Variants in KDM2A observed in about 807,000 individuals in gnomAD.
KDM2A encodes the protein lysine-specific demethylase 2A.
KDM2A carries 3 observed loss-of-function variants against 137.3 expected under a neutral mutation model. The observed-to-expected ratio is 0.02, with a 90% CI of 0.01 to 0.06. KDM2A has a LOEUF of 0.06. Among genes scored for constraint, KDM2A ranks in the 10% least tolerant of loss-of-function variants. KDM2A has a pLI of 1.00. For missense variants in KDM2A, 738 were observed against 1,510.6 expected (o/e 0.49, Z 8.48); for synonymous variants, 512 against 541.5 (o/e 0.95, Z 0.76).
At chr11:67,160,846 G>A (rs1424709691) in intron 2 of KDM2A, among the ~76,000 whole-genome samples, 1 of 152,156 alleles carries the variant, frequency 6.6e-6, no homozygotes, top group African/African-American at 2.4e-5. Flanking sequence ...TGAGGCATGT[G>A]CCTGTAGACC....
At position 67,163,055 on chromosome 11, in the gene KDM2A, T is replaced by C. The variant is rs886309896; in HGVS notation, c.43-17024T>C. Among the ~76,000 whole-genome samples the C allele has an allele frequency of 3.9e-5, 6 of 152,218 alleles. No individual in the cohort carries two copies. In the South Asian group the frequency reaches 8.3e-4, roughly 21 times the overall value. On this transcript the variant is annotated intron_variant, in intron 2 of 20. Coordinates refer to ENST00000529006, the MANE Select transcript of KDM2A (RefSeq NM_012308.3). ...TTAGGAATTGAACTGTATCCTACTT[T>C]TGTTAGTTACTTCTCTTCTCCTTTA...
intron 15 of KDM2A, 123 bp from the exon 16 acceptor site, chr11:67,248,156 TCA>T (rs1859306120): frequency 1.0e-5 from 7 of 696,806 alleles, no homozygotes; most frequent in Admixed American, 7.3e-5. Context: ...GCTGGATTGC[TCA>T]CAGTTTTTCT....
intron 16 of KDM2A, among the ~76,000 whole-genome samples, chr11:67,249,353 A>G (rs767732869): frequency 2.6e-5 from 4 of 152,200 alleles, no homozygotes; most frequent in Non-Finnish European, 5.9e-5. Context: ...TTTTCTTCCA[A>G]CCATAATGAT....
intron 16 of KDM2A, 68 bp downstream of exon 16, chr11:67,248,438 G>A (rs566431037): frequency 5.0e-4 from 550 of 1,093,012 alleles, no homozygotes; most frequent in Non-Finnish European, 6.5e-4. Context: ...ATTGCTACAC[G>A]TTTGCCTTTG....
intron 2 of KDM2A, among the ~76,000 whole-genome samples, chr11:67,122,905 G>T (rs1590697537): frequency 6.6e-6 from 1 of 151,832 alleles, no homozygotes. Context: ...TCGATCTCCT[G>T]ACCTTGTGAT....
rs1050002427 is a variant in KDM2A, at chr11:67,217,676, A to T, written c.688-55A>T. On this transcript the variant is annotated intron_variant, in intron 8 of 20. Coordinates refer to ENST00000529006, the MANE Select transcript of KDM2A (RefSeq NM_012308.3). The stretch of plus-strand genomic sequence containing the variant: ...TTTGTACCTGTTTATCAGTTGAGGG[A>T]GACGACTGGGTCATGTCAATGGCTG... 2.2e-5 allele frequency: 35 copies of T among 1,570,350 alleles called. No homozygotes were observed. In the African/African-American group the frequency reaches 3.5e-4, roughly 16 times the overall value.
intron 2 of KDM2A, among the ~76,000 whole-genome samples, chr11:67,168,480 A>G (rs1856796497): frequency 6.6e-6 from 1 of 151,450 alleles, no homozygotes; most frequent in Non-Finnish European, 1.5e-5. Context: ...ACTACATTTT[A>G]ATTTTTGTAT....
chr11:67,131,412 CTT>C (rs563635809), intron 2 of KDM2A, among the ~76,000 whole-genome samples: 13 of 132,740 alleles, frequency 9.8e-5, no homozygotes, highest in Admixed American at 2.3e-4. Context: ...GTTTTCTTTT[CTT>C]TTTTTTTTTT....
chr11:67,190,815 T>C (rs544455809), intron 5 of KDM2A, among the ~76,000 whole-genome samples: 81 of 151,926 alleles, frequency 5.3e-4, no homozygotes, highest in African/African-American at 1.9e-3. Flanking sequence ...CTAGATGAAG[T>C]GTACAAATTT....
chr11:67,248,030 C>T (rs968450907), intron 15 of KDM2A, among the ~76,000 whole-genome samples: 5 of 152,202 alleles, frequency 3.3e-5, no homozygotes, highest in African/African-American at 1.2e-4. Context: ...TATCAGCCAA[C>T]ATTTTACAGT....
intron 2 of KDM2A, among the ~76,000 whole-genome samples, chr11:67,163,811 G>A (rs1412475744): frequency 2.0e-5 from 3 of 150,720 alleles, no homozygotes; most frequent in African/African-American, 4.9e-5. Context: ...AGCCGAGATA[G>A]CACCACTGTA....
chr11:67,229,794 C>T (rs1411448876), intron 11 of KDM2A, among the ~76,000 whole-genome samples: 1 of 151,714 alleles, frequency 6.6e-6, no homozygotes, highest in Non-Finnish European at 1.5e-5. Flanking sequence ...CACTTGAACC[C>T]GGGAGGTGGA....
chr11:67,172,616 TTGTGTGTGTGTGTGTG>T (rs35333315), intron 2 of KDM2A, among the ~76,000 whole-genome samples: 4 of 146,418 alleles, frequency 2.7e-5, no homozygotes, highest in Admixed American at 6.8e-5. Context: ...GCTCTTATAG[TTGTGTGTGTGTGTGTG>T]TGTGTGTGTG....
intron 5 of KDM2A, among the ~76,000 whole-genome samples, chr11:67,201,884 A>G (rs1857635478): frequency 6.6e-6 from 1 of 151,082 alleles, no homozygotes. Context: ...GAGCCCAGGA[A>G]TTCGAGGTTG....
chr11:67,138,444 A>G (rs1251211591), intron 2 of KDM2A, among the ~76,000 whole-genome samples: 2 of 152,182 alleles, frequency 1.3e-5, no homozygotes, highest in Admixed American at 1.3e-4. Context: ...AGTTGTTTTC[A>G]AAGTGTGCTC....
rs985136325 is a variant in KDM2A at position 67,129,590 on chromosome 11, C to T, written c.42+8232C>T. ...TCTACTAAAAATACAAAAAATTAGC[C>T]GGGCGTGATGGTGGGCGCCTGTAGT... On this transcript the variant is annotated intron_variant, in intron 2 of 20. Coordinates refer to ENST00000529006, the MANE Select transcript of KDM2A (RefSeq NM_012308.3). 5.3e-5 allele frequency among the ~76,000 whole-genome samples: 8 copies of T among 151,938 alleles called. No homozygotes were observed. The East Asian group carries it at 5.8e-4, about 11-fold the overall frequency.
chr11:67,147,394 T>G (rs530922809), intron 2 of KDM2A, among the ~76,000 whole-genome samples: 200 of 151,644 alleles, frequency 1.3e-3, no homozygotes, highest in South Asian at 2.3e-3. Flanking sequence ...TAAAGAAAAT[T>G]AGCCGGGTGT....
At chr11:67,243,150 T>C in intron 13 of KDM2A, 58 bp downstream of exon 13, 2 of 1,263,338 alleles carry the variant, frequency 1.6e-6, no homozygotes, top group Non-Finnish European at 2.3e-6. Flanking sequence ...AGTTGATCAT[T>C]ACCATTCTGG....
At chr11:67,142,594 G>C (rs1244300375) in intron 2 of KDM2A, among the ~76,000 whole-genome samples, 1 of 134,920 alleles carries the variant, frequency 7.4e-6, no homozygotes, top group African/African-American at 2.7e-5. Flanking sequence ...GGTTGGGGTT[G>C]GGGGGGCGTC....
Sources: allele counts gnomAD v4.1 joint callset (sites outside exome capture counted in the v4.1 genomes callset), GRCh38; gene constraint gnomAD v4.1.1; transcripts MANE v1.5; gene names NCBI Gene and HGNC (gene_info 2026-07-23, HGNC 2026-07-21).